Variants in LYRM7 observed in about 807,000 individuals in gnomAD.
LYRM7 encodes LYR motif containing 7.
In LYRM7, 9 loss-of-function variants were observed where a neutral mutation model predicts 15.8. The ratio of observed to expected loss-of-function variants is 0.57; its 90% confidence interval spans 0.34 to 0.99. LYRM7 has a LOEUF of 0.99. LYRM7 is among the 50% of genes least tolerant of loss of function. The pLI is 0.02. For synonymous variants in LYRM7, 39 were observed against 39.4 expected (o/e 0.99, Z 0.04); for missense variants, 115 against 119.1 (o/e 0.97, Z 0.16).
At chr5:131,188,090 C>T (rs968021880) in intron 4 of LYRM7, among the ~76,000 whole-genome samples, 5 of 151,814 alleles carry the variant, frequency 3.3e-5, no homozygotes, top group African/African-American at 1.2e-4. Flanking sequence ...AACCCCGCCT[C>T]TACAAAAAAT....
intron 4 of LYRM7, among the ~76,000 whole-genome samples, chr5:131,194,493 G>A (rs1028671814): frequency 2.6e-5 from 4 of 152,142 alleles, no homozygotes; most frequent in African/African-American, 7.2e-5. Flanking sequence ...GAGAATTTAA[G>A]TTCCTCTGTT....
At chr5:131,194,991 C>T (rs143078378) in intron 4 of LYRM7, among the ~76,000 whole-genome samples, 58 of 152,198 alleles carry the variant, frequency 3.8e-4, no homozygotes, top group African/African-American at 1.1e-3. Context: ...TGGCCGGGAT[C>T]GCTGGCTCAC....
chr5:131,176,773 C>T (rs962497049), intron 1 of LYRM7, among the ~76,000 whole-genome samples: 11 of 152,096 alleles, frequency 7.2e-5, no homozygotes, highest in East Asian at 3.8e-4. Flanking sequence ...TCCACAAAGG[C>T]GTACCCTTTG....
At chr5:131,172,168 C>T (rs895391025) in intron 1 of LYRM7, among the ~76,000 whole-genome samples, 1 of 152,208 alleles carries the variant, frequency 6.6e-6, no homozygotes, top group East Asian at 1.9e-4. Flanking sequence ...AATCCCAGCA[C>T]TTTGGGAGAC....
chr5:131,181,371 A>ATG (rs541308674), intron 2 of LYRM7, among the ~76,000 whole-genome samples: 3 of 40,252 alleles, frequency 7.5e-5, no homozygotes, highest in African/African-American at 6.8e-4. Context: ...TAACATATAT[A>ATG]TGTATATATA....
At chr5:131,176,011 C>T (rs1411674987) in intron 1 of LYRM7, among the ~76,000 whole-genome samples, 2 of 152,216 alleles carry the variant, frequency 1.3e-5, no homozygotes, top group East Asian at 3.9e-4. Context: ...CCACCCACCT[C>T]AGCTTCCCAA....
In LYRM7 at chr5:131,171,027, C is replaced by T. The variant is rs779124948; in HGVS notation, c.7C>T (p.Arg3Trp). The T allele has an allele frequency of 3.3e-6, 5 of 1,536,708 alleles. No homozygotes were observed. Among genetic ancestry groups the T allele is most frequent in the Admixed American group, 4.6e-5 (2 of 43,110 alleles). Residue 3 changes from arginine to tryptophan, a missense_variant, in exon 1 of 5, where the codon CGG becomes TGG. Transcript: ENST00000379380. MG[R>W]AVKVLQLFKT... ...GGCCGCGGTGAGGAGAGCCATGGGA[C>T]GGGCAGTCAAGGTGACAGGGCCCGG...
At chr5:131,186,769 C>G (rs1755800587) in intron 3 of LYRM7, among the ~76,000 whole-genome samples, 2 of 152,194 alleles carry the variant, frequency 1.3e-5, no homozygotes, top group Non-Finnish European at 2.9e-5. Flanking sequence ...ACATCCCAGA[C>G]AGGCTGGAGC....
chr5:131,181,373 G>GT (rs1554089920), intron 2 of LYRM7, among the ~76,000 whole-genome samples: 7,707 of 80,056 alleles, frequency 0.096, 1,090 homozygotes, highest in African/African-American at 0.35. Flanking sequence ...ACATATATAT[G>GT]TATATATAAT....
intron 2 of LYRM7, among the ~76,000 whole-genome samples, chr5:131,181,415 GTT>G (rs1465742526): frequency 0.012 from 1,185 of 98,502 alleles, 58 homozygotes; most frequent in African/African-American, 0.047. Flanking sequence ...ACATATATAT[GTT>G]TATATATATA....
chr5:131,181,375 A>G lies in LYRM7; in HGVS notation c.92-854A>G, dbSNP rs1371178489. On this transcript the variant is annotated intron_variant, in intron 2 of 4. Coordinates refer to ENST00000379380, the MANE Select transcript of LYRM7 (RefSeq NM_181705.4). ...TATATATATATTAACATATATATGT[A>G]TATATAATATATACATATATATTAT... is the stretch of plus-strand genomic sequence containing the variant. Among the ~76,000 whole-genome samples, 293 of 87,734 alleles carry G rather than the reference A, an allele frequency of 3.3e-3. 5 individuals are homozygous for G. Among genetic ancestry groups the G allele is most frequent in the East Asian group, 9.0e-3 (36 of 3,988 alleles). 57.6% of individuals were successfully genotyped at this position (87,734 alleles called of 152,430 possible).
chr5:131,198,828 C>G lies in LYRM7; in HGVS notation c.245-703C>G, dbSNP rs1756013091. Among the ~76,000 whole-genome samples the G allele has an allele frequency of 2.6e-5, 4 of 151,970 alleles. No individual in the cohort carries two copies. The South Asian group carries it at 8.3e-4, about 32-fold the overall frequency. On this transcript the variant is annotated intron_variant, in intron 4 of 4. Coordinates refer to ENST00000379380, the MANE Select transcript of LYRM7 (RefSeq NM_181705.4). Reference sequence around the variant, plus strand: ...TCAAATGATCATCCCTCCTTAGCCTCCCAAAGTTCTAGGATTACAGCCGTG... The same window carrying G: ...TCAAATGATCATCCCTCCTTAGCCTGCCAAAGTTCTAGGATTACAGCCGTG...
intron 3 of LYRM7, among the ~76,000 whole-genome samples, chr5:131,185,856 C>A (rs923024264): frequency 1.1e-4 from 17 of 152,194 alleles, no homozygotes; most frequent in African/African-American, 4.1e-4. Context: ...CTGGCAGATA[C>A]AAGTTCTCCA....
rs919018817 is a variant in LYRM7 at position 131,179,747 on chromosome 5, A to C, written c.19-348A>C. Among the ~76,000 whole-genome samples the C allele has an allele frequency of 2.0e-5, 3 of 152,050 alleles. No individual in the cohort carries two copies. The East Asian group carries it at 5.8e-4, about 29-fold the overall frequency. On this transcript the variant is annotated intron_variant, in intron 1 of 4. Coordinates refer to ENST00000379380, the MANE Select transcript of LYRM7 (RefSeq NM_181705.4). Reference sequence around the variant, plus strand: ...GGTCAGGAGCTCAAGACCAGCCTGGACAACATGGTGAAACCTTGTCTCTAC... The same window carrying C: ...GGTCAGGAGCTCAAGACCAGCCTGGCCAACATGGTGAAACCTTGTCTCTAC...
rs748315078 is a variant in LYRM7, at chr5:131,205,071, T to G, written c.*5470T>G. The stretch of plus-strand genomic sequence containing the variant: ...AATATAGCACACTCATGAACCTAAT[T>G]CCCACATTTGATAGTTGTTACATTT... On this transcript the variant is annotated 3_prime_UTR_variant, in exon 5 of 5. Coordinates refer to ENST00000379380, the MANE Select transcript of LYRM7 (RefSeq NM_181705.4). 1.1e-4 allele frequency: 17 copies of G among 152,318 alleles called. No individual in the cohort carries two copies. Among genetic ancestry groups the G allele is most frequent in the Non-Finnish European group, 1.9e-4 (13 of 68,022 alleles). The allele number at this position is 152,318 out of a possible 1,614,324, so 9.4% of individuals were successfully genotyped here.
In LYRM7 at chr5:131,204,656, A is replaced by G. The variant is rs187272495; in HGVS notation, c.*5055A>G. 6.6e-6 allele frequency: 1 copy of G among 151,736 alleles called. No homozygotes were observed. Among genetic ancestry groups the G allele is most frequent in the East Asian group, 1.9e-4 (1 of 5,184 alleles). 9.4% of individuals were successfully genotyped at this position (151,736 alleles called of 1,614,324 possible). A position where few individuals can be genotyped will look rare whatever the true frequency, so the allele number is the denominator to read the frequency against. ...TGGAGTGCTCAACCAGTAAGTATAT[A>G]ATGCAAATAATCCAAAATACAAAAA... is the stretch of plus-strand genomic sequence containing the variant. On this transcript the variant is annotated 3_prime_UTR_variant, in exon 5 of 5. Coordinates refer to ENST00000379380, the MANE Select transcript of LYRM7 (RefSeq NM_181705.4).
At chr5:131,175,280 A>G (rs1369042454) in intron 1 of LYRM7, among the ~76,000 whole-genome samples, 3 of 149,596 alleles carry the variant, frequency 2.0e-5, no homozygotes, top group Non-Finnish European at 4.4e-5. Context: ...GCTCACCACA[A>G]CCCCTGCCTC....
chr5:131,171,969 A>G (rs970655655), intron 1 of LYRM7, among the ~76,000 whole-genome samples: 2 of 152,254 alleles, frequency 1.3e-5, no homozygotes, highest in Non-Finnish European at 2.9e-5. Flanking sequence ...GTCTAAGCAT[A>G]GTGGATGCAA....
intron 4 of LYRM7, among the ~76,000 whole-genome samples, chr5:131,197,310 A>G (rs911490005): frequency 2.6e-5 from 4 of 152,224 alleles, no homozygotes; most frequent in Non-Finnish European, 5.9e-5. Flanking sequence ...TTAACAAGTT[A>G]AAATGCACAC....
Sources: gnomAD v4.1 joint callset for allele counts (sites outside exome capture counted in the v4.1 genomes callset) on GRCh38, gnomAD v4.1.1 for gene constraint, MANE v1.5 for transcripts, NCBI Gene and HGNC (gene_info 2026-07-23, HGNC 2026-07-21) for gene names.